The following SCG3 variants were observed in gnomAD, a reference collection of about 807,000 sequenced individuals.
SCG3 encodes secretogranin-3.
A neutral mutation model predicts 56.2 loss-of-function variants in SCG3; 38 were observed. The observed-to-expected ratio is 0.68, with a 90% CI of 0.52 to 0.89. The LOEUF (loss-of-function observed/expected upper bound fraction) is 0.89. Among genes scored for constraint, SCG3 ranks in the 40% least tolerant of loss-of-function variants. The pLI, the probability that SCG3 is intolerant of heterozygous loss-of-function variation, is 0.00. For missense variants in SCG3, 524 were observed against 540.7 expected, an observed-to-expected ratio of 0.97 and a Z score of 0.31; for synonymous variants, 176 against 184.2, an observed-to-expected ratio of 0.96 and a Z score of 0.36.
intron 11 of SCG3, among the ~76,000 whole-genome samples, chr15:51,718,561 CAACT>C (rs200988970): frequency 0.011 from 1,666 of 152,224 alleles, 18 homozygotes; most frequent in African/African-American, 0.025. Context: ...TTCTCCTCAC[CAACT>C]AACAGAAAGC....
chr15:51,713,305 T>C, intron 10 of SCG3, 28 bp from the exon 11 acceptor site: 2 of 1,435,552 alleles, frequency 1.4e-6, no homozygotes, highest in Non-Finnish European at 9.7e-7. Context: ...TTCCTGAGTG[T>C]TTGATATAGT....
intron 10 of SCG3, among the ~76,000 whole-genome samples, chr15:51,704,267 ATATATATAT>A (rs2055358858): frequency 1.5e-5 from 2 of 132,846 alleles, no homozygotes; most frequent in African/African-American, 6.1e-5. Flanking sequence ...ATATATATAT[ATATATATAT>A]ATAAAATAGC....
At chr15:51,684,391 A>G (rs2055215073) in intron 4 of SCG3, among the ~76,000 whole-genome samples, 1 of 152,214 alleles carries the variant, frequency 6.6e-6, no homozygotes, top group Non-Finnish European at 1.5e-5. Flanking sequence ...AACCTGGCCA[A>G]CATGGTGAAA....
chr15:51,699,475 A>G, intron 9 of SCG3, 73 bp downstream of exon 9: 1 of 975,510 alleles, frequency 1.0e-6, no homozygotes, highest in African/African-American at 1.7e-5. Context: ...GAACTTTAAT[A>G]AACATTAATT....
rs764741001 is a variant in SCG3, at chr15:51,689,388, C to T, written c.690+20C>T. 68 of 1,562,886 alleles carry T rather than the reference C, an allele frequency of 4.4e-5. No individual in the cohort carries two copies. The Admixed American group carries it at 1.1e-3, about 24-fold the overall frequency. On this transcript the variant is annotated intron_variant, in intron 6 of 11. Transcript: ENST00000220478. ...AAAGTGGTATGTATGTGTATATATG[C>T]ATATGCATGGGGGTGTGTGTGTGTG... is the stretch of plus-strand genomic sequence containing the variant.
rs117656521 is a variant in SCG3, at chr15:51,713,762, T to G, written c.1288+349T>G. ...ATCTAGCCCCCCTTTCTTGGAGTATTTTAAACAAAGGCATTTTCTGAGCAC... is the reference window on the plus strand; with the variant it reads ...ATCTAGCCCCCCTTTCTTGGAGTATGTTAAACAAAGGCATTTTCTGAGCAC... On this transcript the variant is annotated intron_variant, in intron 11 of 11. Coordinates refer to ENST00000220478, the MANE Select transcript of SCG3 (RefSeq NM_013243.4). Among the ~76,000 whole-genome samples the G allele has an allele frequency of 4.3e-4, 65 of 152,316 alleles. No individual in the cohort carries two copies. The East Asian group carries it at 0.012, about 28-fold the overall frequency.
At chr15:51,692,118 T>C in intron 6 of SCG3, 41 bp from the exon 7 acceptor site, 2 of 1,552,084 alleles carry the variant, frequency 1.3e-6, no homozygotes, top group African/African-American at 1.4e-5. Context: ...TCACTAGTTC[T>C]AACAAAATGT....
At chr15:51,706,498 G>A (rs996478736) in intron 10 of SCG3, among the ~76,000 whole-genome samples, 2 of 152,256 alleles carry the variant, frequency 1.3e-5, no homozygotes, top group Middle Eastern at 3.4e-3. Flanking sequence ...TAGAATAAGG[G>A]ATGAGGTAAT....
At position 51,719,708 on chromosome 15, in the gene SCG3, A is replaced by T; in HGVS notation, c.*182A>T. 1 of 561,790 alleles carries T rather than the reference A, an allele frequency of 1.8e-6. No homozygotes were observed. Among genetic ancestry groups the T allele is most frequent in the South Asian group, 2.4e-5 (1 of 41,630 alleles). The allele number at this position is 561,790 out of a possible 1,614,324, so 34.8% of individuals were successfully genotyped here. On this transcript the variant is annotated 3_prime_UTR_variant, in exon 12 of 12. Coordinates refer to ENST00000220478, the MANE Select transcript of SCG3 (RefSeq NM_013243.4). ...TTTCTTCCCGTAAAAACTATCTGAA[A>T]GTAAAGTTGTATGTAAGCTGAGATT...
intron 11 of SCG3, 70 bp from the exon 12 acceptor site, chr15:51,719,338 A>C: frequency 1.0e-6 from 1 of 1,004,042 alleles, no homozygotes; most frequent in South Asian, 1.4e-5. Context: ...CTTCTCAGTT[A>C]ATGGTAATCA....
At chr15:51,697,939 C>G (rs2055314400) in intron 8 of SCG3, among the ~76,000 whole-genome samples, 1 of 152,070 alleles carries the variant, frequency 6.6e-6, no homozygotes, top group African/African-American at 2.4e-5. Context: ...CCCTTAGATC[C>G]CAAGGGGCTC....
rs2093415066 is a variant in SCG3 at position 51,719,795 on chromosome 15, GA to G, written c.*274del. ...TTTTATAATCAGAATATGTTGCTTT[GA>G]AAAAGCCTCTAATGGACTGACCTTA... On this transcript the variant is annotated 3_prime_UTR_variant, in exon 12 of 12. Coordinates refer to ENST00000220478, the MANE Select transcript of SCG3 (RefSeq NM_013243.4). 1 of 390,906 alleles carries G rather than the reference GA, an allele frequency of 2.6e-6. No homozygotes were observed. The highest frequency in any genetic ancestry group is 3.7e-5 in the South Asian group (1 of 26,864). 24.2% of individuals were successfully genotyped at this position (390,906 alleles called of 1,614,324 possible).
chr15:51,691,017 C>G (rs777952201), intron 6 of SCG3, among the ~76,000 whole-genome samples: 41 of 152,122 alleles, frequency 2.7e-4, no homozygotes, highest in Non-Finnish European at 5.3e-4. Flanking sequence ...AGGAAAGAAA[C>G]ATGGTTCTAT....
intron 8 of SCG3, among the ~76,000 whole-genome samples, chr15:51,696,402 T>C (rs1406459818): frequency 6.6e-6 from 1 of 151,836 alleles, no homozygotes; most frequent in Non-Finnish European, 1.5e-5. Context: ...ATACAGAAAT[T>C]AGCTGGGTAT....
intron 10 of SCG3, among the ~76,000 whole-genome samples, chr15:51,708,648 G>T (rs1022062159): frequency 6.6e-6 from 1 of 152,192 alleles, no homozygotes; most frequent in African/African-American, 2.4e-5. Context: ...GAGGTCAGGA[G>T]ATCGAGACCA....
At chr15:51,717,634 A>G (rs956419726) in intron 11 of SCG3, among the ~76,000 whole-genome samples, 3 of 152,248 alleles carry the variant, frequency 2.0e-5, no homozygotes, top group African/African-American at 7.2e-5. Flanking sequence ...AAACAACTAG[A>G]TGAAGAGATA....
In SCG3 at chr15:51,695,837, TC is replaced by T. The variant is rs146155350; in HGVS notation, c.869-33del. 4.7e-3 allele frequency: 4,995 copies of T among 1,053,850 alleles called. 14 individuals carry two copies. The highest frequency in any genetic ancestry group is 5.9e-3 in the Non-Finnish European group (4,025 of 686,124). The allele number at this position is 1,053,850 out of a possible 1,614,324, so 65.3% of individuals were successfully genotyped here. ...AAATTGACATTGAAAGAGGAAGCTA[TC>T]CCCCACAGTTTTAAGTTATTTTGTT... On this transcript the variant is annotated intron_variant, in intron 7 of 11. Transcript: ENST00000220478.
At chr15:51,714,972 A>T (rs2055444511) in intron 11 of SCG3, among the ~76,000 whole-genome samples, 1 of 152,238 alleles carries the variant, frequency 6.6e-6, no homozygotes, top group Admixed American at 6.5e-5. Context: ...GACTGCAAAG[A>T]CTTTAAAATT....
chr15:51,709,680 TATATATATATATA>T, intron 10 of SCG3, among the ~76,000 whole-genome samples: 2 of 12,770 alleles, frequency 1.6e-4, no homozygotes, highest in Non-Finnish European at 4.0e-4. Flanking sequence ...TATATATATA[TATATATATATATA>T]TATATATATT....
Sources: gnomAD v4.1 joint callset for allele counts (sites outside exome capture counted in the v4.1 genomes callset) on GRCh38, gnomAD v4.1.1 for gene constraint, MANE v1.5 for transcripts, NCBI Gene and HGNC (gene_info 2026-07-23, HGNC 2026-07-21) for gene names.